Variants in NBEA observed in about 807,000 individuals in gnomAD.
NBEA encodes the protein neurobeachin.
NBEA carries 44 observed loss-of-function variants against 343.4 expected under a neutral mutation model. The observed-to-expected ratio is 0.13, with a 90% CI of 0.10 to 0.16. The LOEUF (loss-of-function observed/expected upper bound fraction) is 0.16, where lower values mean the gene tolerates loss of function less well. Among genes scored for constraint, NBEA ranks in the 10% least tolerant of loss-of-function variants. NBEA has a pLI of 1.00. For missense variants in NBEA, 2,555 were observed against 3,631.3 expected (o/e 0.70, Z 7.62); for synonymous variants, 1,175 against 1,238.7 (o/e 0.95, Z 1.08).
chr13:35,256,325 G>GT (rs1466804171), intron 34 of NBEA, among the ~76,000 whole-genome samples: 1 of 152,228 alleles, frequency 6.6e-6, no homozygotes, highest in African/African-American at 2.4e-5. Flanking sequence ...TGATGTCTGT[G>GT]TAAGTCTGGC....
intron 1 of NBEA, among the ~76,000 whole-genome samples, chr13:34,989,554 T>G (rs1294108658): frequency 1.3e-5 from 2 of 150,730 alleles, no homozygotes; most frequent in Admixed American, 6.6e-5. Context: ...AGGGGAAGTC[T>G]GCCTCCGTGG....
At chr13:35,018,076 T>G (rs1289216028) in intron 1 of NBEA, among the ~76,000 whole-genome samples, 2 of 152,158 alleles carry the variant, frequency 1.3e-5, no homozygotes, top group African/African-American at 4.8e-5. Context: ...GGGTTTATTT[T>G]TGGACTTTCT....
At chr13:35,359,611 T>C (rs948142452) in intron 38 of NBEA, among the ~76,000 whole-genome samples, 11 of 152,164 alleles carry the variant, frequency 7.2e-5, no homozygotes, top group African/African-American at 2.7e-4. Flanking sequence ...ATTAATAATA[T>C]TGATCTTTAT....
chr13:35,599,550 C>T (rs1268885809), intron 47 of NBEA, among the ~76,000 whole-genome samples: 1 of 152,182 alleles, frequency 6.6e-6, no homozygotes, highest in Non-Finnish European at 1.5e-5. Context: ...GCAAGGGAGC[C>T]ACTCTATTGC....
intron 48 of NBEA, among the ~76,000 whole-genome samples, chr13:35,620,838 C>T (rs1311225848): frequency 6.6e-6 from 1 of 152,090 alleles, no homozygotes; most frequent in East Asian, 1.9e-4. Context: ...TACCAGTGGC[C>T]ATTTTCCCTC....
chr13:35,446,452 A>G (rs943313093), intron 39 of NBEA, among the ~76,000 whole-genome samples: 8 of 152,112 alleles, frequency 5.3e-5, no homozygotes, highest in Non-Finnish European at 7.4e-5. Flanking sequence ...AAGTGTTCCT[A>G]TTTCTCCACA....
chr13:35,654,487 A>G (rs188474820), intron 53 of NBEA, among the ~76,000 whole-genome samples: 2 of 152,328 alleles, frequency 1.3e-5, no homozygotes, highest in East Asian at 1.9e-4. Flanking sequence ...AACATACTTC[A>G]TACAATATTT....
At chr13:35,510,881 T>C (rs1292432803) in intron 41 of NBEA, among the ~76,000 whole-genome samples, 1 of 152,200 alleles carries the variant, frequency 6.6e-6, no homozygotes. Flanking sequence ...TGAGATCTTA[T>C]TAATGTCCAG....
chr13:35,172,770 A>G (rs1017118385), intron 26 of NBEA, among the ~76,000 whole-genome samples: 1 of 152,136 alleles, frequency 6.6e-6, no homozygotes, highest in African/African-American at 2.4e-5. Context: ...AAACTGAGGC[A>G]CAGATAGTTT....
Position 34,971,628 on chromosome 13 carries a change from T to C in NBEA, c.294+28514T>C, listed in dbSNP as rs532381261. 3.9e-5 allele frequency among the ~76,000 whole-genome samples: 6 copies of C among 152,308 alleles called. No homozygotes were observed. The South Asian group carries it at 1.2e-3, about 32-fold the overall frequency. On this transcript the variant is annotated intron_variant, in intron 1 of 58. Transcript: ENST00000379939. ...GAGACAATCATGTGGTTTTTGTCTT[T>C]AGTTCTGTTTATATGATGAGTCACA... is the stretch of plus-strand genomic sequence containing the variant.
intron 36 of NBEA, among the ~76,000 whole-genome samples, chr13:35,325,998 C>T (rs1018135662): frequency 6.6e-6 from 1 of 151,788 alleles, no homozygotes; most frequent in African/African-American, 2.4e-5. Flanking sequence ...GTTTTTTATC[C>T]CCTTCCATTG....
chr13:35,213,769 C>A (rs1471132321), intron 33 of NBEA, among the ~76,000 whole-genome samples: 1 of 151,780 alleles, frequency 6.6e-6, no homozygotes, highest in African/African-American at 2.4e-5. Flanking sequence ...TGTTCAAACT[C>A]AATAAAAAAC....
intron 33 of NBEA, among the ~76,000 whole-genome samples, chr13:35,231,156 T>A (rs2074949688): frequency 6.6e-6 from 1 of 152,132 alleles, no homozygotes; most frequent in Admixed American, 6.6e-5. Context: ...TTCTCCTTTC[T>A]CTAGAGCTGT....
rs113407475 is a variant in NBEA at position 35,143,897 on chromosome 13, A to C, written c.2445+1520A>C. ...AGTGAGACCCTGTCCCCTTCAAAAA[A>C]AAAAACAAAAAAAAAAACAAAAACA... is the stretch of plus-strand genomic sequence containing the variant. On this transcript the variant is annotated intron_variant, in intron 18 of 58. Transcript: ENST00000379939. 6.9e-3 allele frequency among the ~76,000 whole-genome samples: 1,022 copies of C among 148,714 alleles called. 12 individuals carry two copies. The highest frequency in any genetic ancestry group is 0.025 in the African/African-American group (979 of 39,228).
intron 1 of NBEA, among the ~76,000 whole-genome samples, chr13:34,975,822 A>T (rs2060154894): frequency 6.6e-6 from 1 of 152,200 alleles, no homozygotes; most frequent in South Asian, 2.1e-4. Context: ...CATATGGAAA[A>T]ATGCTCAACA....
chr13:35,597,761 A>G (rs2081874599), intron 47 of NBEA, among the ~76,000 whole-genome samples: 1 of 152,168 alleles, frequency 6.6e-6, no homozygotes. Flanking sequence ...TGGGAGCTGC[A>G]AGGCCACTTC....
intron 38 of NBEA, among the ~76,000 whole-genome samples, chr13:35,426,186 CATT>C (rs1231883836): frequency 6.6e-6 from 1 of 152,168 alleles, no homozygotes; most frequent in African/African-American, 2.4e-5. Flanking sequence ...TTGATCCTGT[CATT>C]ATGATGTCAG....
chr13:35,620,245 G>A (rs1224981758), intron 48 of NBEA, among the ~76,000 whole-genome samples: 1 of 152,112 alleles, frequency 6.6e-6, no homozygotes, highest in Non-Finnish European at 1.5e-5. Context: ...ATCTTAGAAG[G>A]TGACCGGTGG....
intron 49 of NBEA, among the ~76,000 whole-genome samples, chr13:35,634,546 A>G (rs2083613447): frequency 6.6e-6 from 1 of 152,174 alleles, no homozygotes; most frequent in South Asian, 2.1e-4. Flanking sequence ...TCATCATTCT[A>G]TAGTTGACGT....
Sources: gnomAD v4.1 joint callset for allele counts (sites outside exome capture counted in the v4.1 genomes callset) on GRCh38, gnomAD v4.1.1 for gene constraint, MANE v1.5 for transcripts, NCBI Gene and HGNC (gene_info 2026-07-23, HGNC 2026-07-21) for gene names.